DRC8: variants seen among roughly 807,000 people sequenced by gnomAD.
DRC8 encodes the protein dynein regulatory complex subunit 8.
chr1:245,083,818 A>C, the DRC8 span: 2 of 1,365,250 alleles, frequency 1.5e-6, no homozygotes, highest in Non-Finnish European at 1.9e-6. Context: ...TGTTCCTGCT[A>C]TTTTGGCTTG....
At chr1:245,117,020 C>G in the DRC8 span, among the ~76,000 whole-genome samples, 1 of 152,182 alleles carries the variant, frequency 6.6e-6, no homozygotes, top group Non-Finnish European at 1.5e-5. Context: ...CAAGGTTAAG[C>G]AATTTGCATT....
At chr1:245,113,988 A>G in the DRC8 span, among the ~76,000 whole-genome samples, 1 of 152,198 alleles carries the variant, frequency 6.6e-6, no homozygotes, top group Middle Eastern at 3.2e-3. Context: ...CTGGAAATAA[A>G]AGAGAGTGGA....
the DRC8 span, among the ~76,000 whole-genome samples, chr1:245,071,548 T>G: frequency 6.6e-6 from 1 of 152,238 alleles, no homozygotes; most frequent in African/African-American, 2.4e-5. Flanking sequence ...ACCTTGGATA[T>G]TGAAATTGGC....
the DRC8 span, among the ~76,000 whole-genome samples, chr1:244,988,710 A>C: frequency 1.3e-5 from 2 of 152,140 alleles, no homozygotes; most frequent in African/African-American, 4.8e-5. Context: ...TAGAAAACTT[A>C]TTTTCTCTCA....
the DRC8 span, among the ~76,000 whole-genome samples, chr1:245,033,320 A>G: frequency 6.6e-6 from 1 of 152,202 alleles, no homozygotes; most frequent in African/African-American, 2.4e-5. Context: ...TTTCCTGGGC[A>G]CTTACCCTGC....
At chr1:245,100,814 T>TAAA in the DRC8 span, among the ~76,000 whole-genome samples, 3 of 45,224 alleles carry the variant, frequency 6.6e-5, no homozygotes, top group Non-Finnish European at 1.9e-4. Context: ...ATAATAATAA[T>TAAA]AAATACTTCA....
At chr1:245,096,916 T>C in the DRC8 span, among the ~76,000 whole-genome samples, 1 of 152,228 alleles carries the variant, frequency 6.6e-6, no homozygotes. Flanking sequence ...ACAGAAATCA[T>C]AGCTACCTTG....
the DRC8 span, among the ~76,000 whole-genome samples, chr1:245,040,944 A>G: frequency 1.3e-5 from 2 of 152,250 alleles, no homozygotes; most frequent in Non-Finnish European, 2.9e-5. Context: ...ACAAGTAATA[A>G]ATACAATTTC....
chr1:245,111,512 C>G, the DRC8 span, among the ~76,000 whole-genome samples: 3 of 152,224 alleles, frequency 2.0e-5, no homozygotes, highest in South Asian at 4.1e-4. Flanking sequence ...ACGTGAATGT[C>G]TTTGACTCAT....
the DRC8 span, among the ~76,000 whole-genome samples, chr1:245,043,659 G>T: frequency 6.6e-6 from 1 of 152,102 alleles, no homozygotes; most frequent in Non-Finnish European, 1.5e-5. Context: ...TTGTGTACAT[G>T]GTAGAATACT....
the DRC8 span, among the ~76,000 whole-genome samples, chr1:244,979,817 T>G: frequency 6.6e-6 from 1 of 151,788 alleles, no homozygotes; most frequent in African/African-American, 2.4e-5. Flanking sequence ...AGAAATAACA[T>G]ACTTGAAATT....
At chr1:244,997,790 C>T in the DRC8 span, among the ~76,000 whole-genome samples, 3 of 152,094 alleles carry the variant, frequency 2.0e-5, no homozygotes, top group Non-Finnish European at 4.4e-5. Flanking sequence ...GGTGATCCGC[C>T]CACCTCGGCC....
chr1:245,070,154 T>G, the DRC8 span, among the ~76,000 whole-genome samples: 3 of 152,184 alleles, frequency 2.0e-5, no homozygotes, highest in Non-Finnish European at 4.4e-5. Context: ...TTGGTATCCA[T>G]GAGGAGTCCG....
chr1:245,014,722 AG>A, the DRC8 span, among the ~76,000 whole-genome samples: 66 of 152,310 alleles, frequency 4.3e-4, no homozygotes, highest in African/African-American at 1.5e-3. Flanking sequence ...ATCTGAGTTC[AG>A]TCCAGCTCTG....
At chr1:245,012,220 C>T in the DRC8 span, among the ~76,000 whole-genome samples, 1 of 151,756 alleles carries the variant, frequency 6.6e-6, no homozygotes, top group Non-Finnish European at 1.5e-5. Context: ...AAGTTAGTGC[C>T]TGTTCTTTAG....
At chr1:244,982,492 C>G in the DRC8 span, among the ~76,000 whole-genome samples, 1 of 151,956 alleles carries the variant, frequency 6.6e-6, no homozygotes, top group Non-Finnish European at 1.5e-5. Flanking sequence ...TGGCAAAACC[C>G]CATCTCTACA....
the DRC8 span, among the ~76,000 whole-genome samples, chr1:245,004,768 A>G: frequency 6.6e-6 from 1 of 152,232 alleles, no homozygotes; most frequent in Non-Finnish European, 1.5e-5. Context: ...TTCATTAAGT[A>G]TGATGTTAGT....
the DRC8 span, among the ~76,000 whole-genome samples, chr1:245,109,173 G>A: frequency 4.3e-4 from 66 of 152,248 alleles, no homozygotes; most frequent in African/African-American, 1.5e-3. Flanking sequence ...GAGAGAGCTC[G>A]GTTATTTATA....
the DRC8 span, among the ~76,000 whole-genome samples, chr1:244,972,119 G>A: frequency 1.3e-5 from 2 of 152,106 alleles, no homozygotes; most frequent in East Asian, 3.8e-4. Flanking sequence ...GAGCTTTCCT[G>A]ATTTTTCAGC....
Sources: allele counts gnomAD v4.1 joint callset (sites outside exome capture counted in the v4.1 genomes callset), GRCh38; gene constraint gnomAD v4.1.1; transcripts MANE v1.5; gene names NCBI Gene and HGNC (gene_info 2026-07-23, HGNC 2026-07-21).